Variants in IFIH1 observed in about 807,000 individuals in gnomAD.
The protein encoded by IFIH1 is interferon-induced helicase C domain-containing protein 1.
Under a neutral mutation model 107.4 loss-of-function variants are expected in IFIH1, and 125 were observed. The observed-to-expected ratio is 1.16, with a 90% CI of 1.01 to 1.35. The LOEUF (loss-of-function observed/expected upper bound fraction) is 1.35, where lower values mean the gene tolerates loss of function less well. IFIH1 is among the 40% of genes most tolerant of loss of function. IFIH1 has a pLI of 0.00. For synonymous variants in IFIH1, 458 were observed against 413.2 expected (o/e 1.11, Z -1.31); for missense variants, 1,333 against 1,213.7 (o/e 1.10, Z -1.46).
At position 162,301,054 on chromosome 2, in the gene IFIH1, C is replaced by T. The variant is rs555543144; in HGVS notation, c.769+5655G>A. On this transcript the variant is annotated intron_variant, in intron 3 of 15. Transcript: ENST00000649979. ...GTTTTGTAAAGGTCAATTTTTAAAC[C>T]CCTCCTACAGAACATGATCTATGCA... Among the ~76,000 whole-genome samples the T allele has an allele frequency of 2.0e-5, 3 of 152,188 alleles. No homozygotes were observed. The South Asian group carries it at 6.2e-4, about 32-fold the overall frequency.
chr2:162,314,670 A>G (rs1476060522), intron 1 of IFIH1, among the ~76,000 whole-genome samples: 1 of 151,522 alleles, frequency 6.6e-6, no homozygotes, highest in Non-Finnish European at 1.5e-5. Flanking sequence ...TTGTATTTTT[A>G]GTAGAGACGG....
At position 162,288,871 on chromosome 2, in the gene IFIH1, T is replaced by C. The variant is rs141525238; in HGVS notation, c.875-516A>G. Among the ~76,000 whole-genome samples the C allele has an allele frequency of 1.4e-4, 21 of 151,612 alleles. No individual in the cohort carries two copies. In the East Asian group the frequency reaches 3.3e-3, roughly 24 times the overall value. On this transcript the variant is annotated intron_variant, in intron 4 of 15. Transcript: ENST00000649979. Reference sequence around the variant, plus strand: ...AAGAAGGTATTATGGCTGATACTATTTTCTTTCGTTTGTAGAAACTTTATC... The same window carrying C: ...AAGAAGGTATTATGGCTGATACTATCTTCTTTCGTTTGTAGAAACTTTATC...
At chr2:162,292,946 A>G (rs944266397) in intron 4 of IFIH1, among the ~76,000 whole-genome samples, 1 of 151,886 alleles carries the variant, frequency 6.6e-6, no homozygotes. Flanking sequence ...AACTGATAAC[A>G]GGAAGTAATA....
intron 11 of IFIH1, among the ~76,000 whole-genome samples, chr2:162,274,450 C>T (rs1691111572): frequency 6.6e-6 from 1 of 152,064 alleles, no homozygotes; most frequent in Non-Finnish European, 1.5e-5. Context: ...ATGGAATATT[C>T]CCAAAAGGAC....
intron 3 of IFIH1, among the ~76,000 whole-genome samples, chr2:162,297,446 C>A (rs1296903020): frequency 6.6e-6 from 1 of 152,020 alleles, no homozygotes; most frequent in African/African-American, 2.4e-5. Flanking sequence ...TCGAACGTAG[C>A]CACGACTTAC....
intron 13 of IFIH1, among the ~76,000 whole-genome samples, chr2:162,269,160 T>C (rs970201796): frequency 1.3e-5 from 2 of 152,250 alleles, no homozygotes; most frequent in East Asian, 3.8e-4. Context: ...GGTGGAAATA[T>C]GCTAGCTAAA....
At position 162,284,814 on chromosome 2, in the gene IFIH1, A is replaced by T. The variant is rs1682871733; in HGVS notation, c.1096-2238T>A. Among the ~76,000 whole-genome samples, 4 of 151,836 alleles carry T rather than the reference A, an allele frequency of 2.6e-5. No homozygotes were observed. In the South Asian group the frequency reaches 8.3e-4, roughly 32 times the overall value. On this transcript the variant is annotated intron_variant, in intron 5 of 15. Transcript: ENST00000649979. ...AGACTGTATATTTCGTGAGGACAAG[A>T]TCTACATTTGATTTGTCTTTAAATA...
chr2:162,312,263 G>C (rs1386954238), intron 1 of IFIH1, among the ~76,000 whole-genome samples: 1 of 152,134 alleles, frequency 6.6e-6, no homozygotes, highest in Admixed American at 6.6e-5. Flanking sequence ...CACCTCACCT[G>C]CACAAGCACA....
chr2:162,268,297 G>T lies in IFIH1; in HGVS notation c.2617-20C>A, dbSNP rs1004421081. ...CAAAATCTGGACAGAGAAAGGAATAGTTAGTGGTTTCAGGTTTGTTTTCTT... is the reference window on the plus strand; with the variant it reads ...CAAAATCTGGACAGAGAAAGGAATATTTAGTGGTTTCAGGTTTGTTTTCTT... On this transcript the variant is annotated intron_variant, in intron 13 of 15. Coordinates refer to ENST00000649979, the MANE Select transcript of IFIH1 (RefSeq NM_022168.4). 8 of 1,521,446 alleles carry T rather than the reference G, an allele frequency of 5.3e-6. No individual in the cohort carries two copies. The highest frequency in any genetic ancestry group is 7.2e-6 in the Non-Finnish European group (8 of 1,110,012). The allele number at this position is 1,521,446 out of a possible 1,614,324, so 94.2% of individuals were successfully genotyped here.
chr2:162,286,260 T>C (rs1682891939), intron 5 of IFIH1, among the ~76,000 whole-genome samples: 1 of 152,006 alleles, frequency 6.6e-6, no homozygotes, highest in South Asian at 2.1e-4. Context: ...TGAAGGGCTG[T>C]CATTAGGCTG....
chr2:162,272,869 T>C (rs912613978), intron 12 of IFIH1, among the ~76,000 whole-genome samples: 4 of 152,174 alleles, frequency 2.6e-5, no homozygotes, highest in Non-Finnish European at 2.9e-5. Context: ...ATATTTAACA[T>C]GGTGATAACT....
intron 4 of IFIH1, among the ~76,000 whole-genome samples, chr2:162,293,236 T>A (rs1683028550): frequency 6.6e-6 from 1 of 151,964 alleles, no homozygotes; most frequent in Admixed American, 6.6e-5. Flanking sequence ...TAAATAAATG[T>A]ACCAAATTGA....
intron 3 of IFIH1, among the ~76,000 whole-genome samples, chr2:162,304,194 T>G (rs978106732): frequency 6.6e-6 from 1 of 152,100 alleles, no homozygotes; most frequent in Non-Finnish European, 1.5e-5. Flanking sequence ...AAACAGCAGC[T>G]CAAGCCTATA....
Position 162,310,945 on chromosome 2 carries a change from G to A in IFIH1, c.454-12C>T. ...TCTGCAGCAGCAATCTGTTGTAAGA[G>A]AAAATTAGAATTAAGTAAGATCAAA... On this transcript the variant is annotated splice_polypyrimidine_tract_variant and intron_variant, in intron 1 of 15. Transcript: ENST00000649979. 6.2e-7 allele frequency: 1 copy of A among 1,605,568 alleles called. No individual in the cohort carries two copies.
chr2:162,300,644 G>A (rs551732021), intron 3 of IFIH1, among the ~76,000 whole-genome samples: 2 of 152,250 alleles, frequency 1.3e-5, no homozygotes, highest in African/African-American at 4.8e-5. Flanking sequence ...GATTGCCTCA[G>A]TAGTACTGCT....
chr2:162,299,213 G>C (rs1040698024), intron 3 of IFIH1, among the ~76,000 whole-genome samples: 1 of 152,150 alleles, frequency 6.6e-6, no homozygotes, highest in South Asian at 2.1e-4. Flanking sequence ...CAGTAATGGA[G>C]GCAAAAAGTC....
rs1690944637 is a variant in IFIH1 at position 162,267,375 on chromosome 2, C to T, written c.2903G>A (p.Trp968Ter). 1.2e-6 allele frequency: 2 copies of T among 1,613,858 alleles called. No individual in the cohort carries two copies. Among genetic ancestry groups the T allele is most frequent in the Non-Finnish European group, 1.7e-6 (2 of 1,179,956 alleles). Residue 968 changes from tryptophan to a stop codon, truncating the protein, a stop_gained, in exon 16 of 16, where the codon TGG becomes TAG. Transcript: ENST00000649979. LOFTEE classifies it high-confidence loss of function. ...GCCTTTGTGCACCATCATTGTTCCC[C>T]AAGCCTGGAAAACAAAAGAGAGAGC... ...GEIICKCGQA[W>*]GTMMVHKGLD... is the part of the protein sequence containing the mutation.
At chr2:162,312,644 T>C (rs78129137) in intron 1 of IFIH1, among the ~76,000 whole-genome samples, 2 of 152,348 alleles carry the variant, frequency 1.3e-5, no homozygotes, top group East Asian at 3.9e-4. Context: ...ACCCACAACA[T>C]TTTCTAAGCA....
intron 8 of IFIH1, among the ~76,000 whole-genome samples, chr2:162,279,264 C>A (rs1682765682): frequency 6.6e-6 from 1 of 152,038 alleles, no homozygotes; most frequent in Non-Finnish European, 1.5e-5. Flanking sequence ...AGGCTAGTTA[C>A]TAACATTGGT....
Sources: gnomAD v4.1 joint callset for allele counts (sites outside exome capture counted in the v4.1 genomes callset) on GRCh38, gnomAD v4.1.1 for gene constraint, MANE v1.5 for transcripts, NCBI Gene and HGNC (gene_info 2026-07-23, HGNC 2026-07-21) for gene names.